The following OLFM4 variants were observed in gnomAD, a reference collection of about 807,000 sequenced individuals.
OLFM4 encodes olfactomedin 4.
In OLFM4, 22 loss-of-function variants were observed where a neutral mutation model predicts 25.5. That is an observed-to-expected ratio of 0.86 (90% CI 0.62 to 1.23). The LOEUF (loss-of-function observed/expected upper bound fraction) is 1.23, where lower values mean the gene tolerates loss of function less well. OLFM4 is among the 50% of genes most tolerant of loss of function. The probability of loss-of-function intolerance (pLI) is 0.00; values close to 1 mark genes in which losing one functional copy is unlikely to be tolerated. For synonymous variants in OLFM4, 255 were observed against 237.7 expected (o/e 1.07, Z -0.67); for missense variants, 594 against 619.4 (o/e 0.96, Z 0.44).
In OLFM4 at chr13:53,050,995, G is replaced by A; in HGVS notation, c.*224G>A. 2.0e-6 allele frequency: 1 copy of A among 500,000 alleles called. No individual in the cohort carries two copies. The highest frequency in any genetic ancestry group is 3.6e-5 in the South Asian group (1 of 27,548). The allele number at this position is 500,000 out of a possible 1,614,324, so 31.0% of individuals were successfully genotyped here. On this transcript the variant is annotated 3_prime_UTR_variant, in exon 5 of 5. Transcript: ENST00000219022. ...GCATTTTGCAATAAAGTCTGTCTAG[G>A]GTGGGATTGTCAGAGGTCTAGGGGC...
chr13:53,051,116 T>G lies in OLFM4; in HGVS notation c.*345T>G, dbSNP rs2138244802. The G allele has an allele frequency of 5.1e-6, 1 of 194,314 alleles. No homozygotes were observed. The highest frequency in any genetic ancestry group is 1.7e-4 in the South Asian group (1 of 5,928). The allele number at this position is 194,314 out of a possible 1,614,324, so 12.0% of individuals were successfully genotyped here. A position where few individuals can be genotyped will look rare whatever the true frequency, so the allele number is the denominator to read the frequency against. ...AAAACTCAGTATGGCGTCTAGGGATTCTTTGTACAGGAAATATTGCCCAAT... is the reference window on the plus strand; with the variant it reads ...AAAACTCAGTATGGCGTCTAGGGATGCTTTGTACAGGAAATATTGCCCAAT... On this transcript the variant is annotated 3_prime_UTR_variant, in exon 5 of 5. Transcript: ENST00000219022.
intron 2 of OLFM4, among the ~76,000 whole-genome samples, chr13:53,039,377 G>T (rs1197715363): frequency 1.3e-5 from 2 of 152,070 alleles, no homozygotes; most frequent in African/African-American, 4.8e-5. Context: ...CTTCTCAGGG[G>T]GACTTGTTAG....
At chr13:53,043,368 G>GTTT (rs1184435043) in intron 4 of OLFM4, 104 bp downstream of exon 4, 30 of 459,186 alleles carry the variant, frequency 6.5e-5, no homozygotes, top group Non-Finnish European at 8.7e-5. Context: ...AAGAAGGTGG[G>GTTT]TTGTTTTTTT....
At chr13:53,039,683 G>A (rs1052059159) in intron 2 of OLFM4, among the ~76,000 whole-genome samples, 3 of 152,044 alleles carry the variant, frequency 2.0e-5, no homozygotes, top group South Asian at 2.1e-4. Flanking sequence ...TTCTTGGGAG[G>A]TTCTGAAACC....
Position 53,050,222 on chromosome 13 carries a change from T to G in OLFM4, c.984T>G (p.Gly328=), listed in dbSNP as rs753776148. 5.6e-6 allele frequency: 9 copies of G among 1,613,896 alleles called. No individual in the cohort carries two copies. In the South Asian group the frequency reaches 9.9e-5, roughly 18 times the overall value. Residue 328 remains glycine (G), a synonymous_variant, in exon 5 of 5, where the codon GGT becomes GGG. Coordinates refer to ENST00000219022, the MANE Select transcript of OLFM4 (RefSeq NM_006418.5). ...AGTTGCGGATCACCTATGGCCAAGG[T>G]AGTGGTACAGCAGTTTACAACAACA... ...ARELRITYGQ[G]SGTAVYNNNM... is the part of the protein sequence containing the mutation.
At chr13:53,038,219 G>A (rs1013375061) in intron 2 of OLFM4, among the ~76,000 whole-genome samples, 3 of 152,062 alleles carry the variant, frequency 2.0e-5, no homozygotes, top group East Asian at 1.9e-4. Context: ...AATAGCACTC[G>A]CCCACCCCCC....
chr13:53,034,600 A>G (rs1347612501), intron 2 of OLFM4, 100 bp downstream of exon 2: 3 of 1,044,496 alleles, frequency 2.9e-6, no homozygotes, highest in South Asian at 1.7e-5. Context: ...ACTATCAAAG[A>G]CATCACGTTT....
At chr13:53,038,545 C>T (rs143626060) in intron 2 of OLFM4, among the ~76,000 whole-genome samples, 149 of 152,210 alleles carry the variant, frequency 9.8e-4, no homozygotes, top group Non-Finnish European at 1.5e-3. Context: ...TATATCTAAA[C>T]ATAGAAAAGG....
In OLFM4 at chr13:53,050,391, T is replaced by G; in HGVS notation, c.1153T>G (p.Phe385Val). Residue 385 changes from phenylalanine (F) to valine (V), a missense_variant, in exon 5 of 5, where the codon TTT (phenylalanine) becomes GTT (valine). Phe to Val is a conservative substitution (Grantham distance 50, BLOSUM62 -1). Coordinates refer to ENST00000219022, the MANE Select transcript of OLFM4 (RefSeq NM_006418.5). ...YANVAWQDIDFAVDENGLWVI... is the reference protein window; with the variant it reads ...YANVAWQDIDVAVDENGLWVI... Reference sequence around the variant, plus strand: ...TAATGTTGCTTGGCAAGATATTGACTTTGCTGTGGATGAGAATGGATTGTG... The same window carrying G: ...TAATGTTGCTTGGCAAGATATTGACGTTGCTGTGGATGAGAATGGATTGTG... 1 of 1,614,082 alleles carries G rather than the reference T, an allele frequency of 6.2e-7. No homozygotes were observed. The highest frequency in any genetic ancestry group is 2.2e-5 in the East Asian group (1 of 44,870).
intron 2 of OLFM4, among the ~76,000 whole-genome samples, chr13:53,039,407 C>A (rs1396064705): frequency 6.6e-6 from 1 of 152,114 alleles, no homozygotes; most frequent in Non-Finnish European, 1.5e-5. Context: ...ATAGTGAGCC[C>A]TCCATAGCCT....
intron 3 of OLFM4, among the ~76,000 whole-genome samples, chr13:53,042,572 C>A (rs1954693389): frequency 1.3e-5 from 2 of 152,126 alleles, no homozygotes; most frequent in Admixed American, 1.3e-4. Context: ...ACTGGAAACC[C>A]CCTTTAAGAA....
chr13:53,031,148 T>C (rs572108255), intron 1 of OLFM4, among the ~76,000 whole-genome samples: 1 of 152,184 alleles, frequency 6.6e-6, no homozygotes, highest in Non-Finnish European at 1.5e-5. Context: ...ACTTAGAGGT[T>C]TTAATTTTCC....
intron 2 of OLFM4, among the ~76,000 whole-genome samples, chr13:53,035,486 T>G (rs1954653754): frequency 6.6e-6 from 1 of 152,220 alleles, no homozygotes; most frequent in South Asian, 2.1e-4. Flanking sequence ...TTACTTATTT[T>G]AAAATGTACA....
At chr13:53,031,882 T>G (rs1954631057) in intron 1 of OLFM4, among the ~76,000 whole-genome samples, 1 of 152,204 alleles carries the variant, frequency 6.6e-6, no homozygotes, top group Admixed American at 6.5e-5. Context: ...GACAAGCTCT[T>G]GTCTTTGTCT....
At chr13:53,042,265 T>C (rs1004905966) in intron 3 of OLFM4, 143 bp downstream of exon 3, 3 of 726,836 alleles carry the variant, frequency 4.1e-6, no homozygotes, top group African/African-American at 1.8e-5. Context: ...TATCACTATG[T>C]TCTGTTTTGG....
intron 2 of OLFM4, among the ~76,000 whole-genome samples, chr13:53,039,302 T>C (rs1459676581): frequency 6.6e-6 from 1 of 152,212 alleles, no homozygotes; most frequent in Non-Finnish European, 1.5e-5. Context: ...ATTTTTATCA[T>C]AGTCAAGGTT....
chr13:53,030,552 C>T (rs1954624152), intron 1 of OLFM4, among the ~76,000 whole-genome samples: 1 of 152,210 alleles, frequency 6.6e-6, no homozygotes. Context: ...CTGCCTGCCT[C>T]AGCCTCCCAA....
At chr13:53,034,093 G>C (rs1480021924) in intron 1 of OLFM4, among the ~76,000 whole-genome samples, 2 of 145,514 alleles carry the variant, frequency 1.4e-5, no homozygotes, top group East Asian at 4.1e-4. Context: ...CCTCGAGAAT[G>C]GGGAATCTTC....
intron 2 of OLFM4, among the ~76,000 whole-genome samples, chr13:53,038,937 C>T (rs891130700): frequency 6.6e-6 from 1 of 152,230 alleles, no homozygotes; most frequent in Non-Finnish European, 1.5e-5. Context: ...TTCCTGAACA[C>T]CACTGAGCAT....
Sources: gnomAD v4.1 joint callset for allele counts (sites outside exome capture counted in the v4.1 genomes callset) on GRCh38, gnomAD v4.1.1 for gene constraint, MANE v1.5 for transcripts, NCBI Gene and HGNC (gene_info 2026-07-23, HGNC 2026-07-21) for gene names.